The following SNX29 variants were observed in gnomAD, a reference collection of about 807,000 sequenced individuals.
The protein encoded by SNX29 is sorting nexin 29, also known as sorting nexin-29.
Under a neutral mutation model 102.1 loss-of-function variants are expected in SNX29, and 78 were observed. The ratio of observed to expected loss-of-function variants is 0.76; its 90% CI spans 0.64 to 0.92. The LOEUF is 0.92. Ranked by LOEUF, SNX29 falls within the 40% of genes least tolerant of loss-of-function variation. The probability of loss-of-function intolerance (pLI) is 0.00; values close to 1 mark genes in which losing one functional copy is unlikely to be tolerated. For missense variants in SNX29, 1,280 were observed against 1,061.7 expected (o/e 1.21, Z -2.86); for synonymous variants, 580 against 414.5 (o/e 1.40, Z -4.85).
intron 20 of SNX29, among the ~76,000 whole-genome samples, chr16:12,551,758 G>A (rs1001221216): frequency 9.2e-5 from 14 of 152,198 alleles, no homozygotes; most frequent in Non-Finnish European, 5.9e-5. Flanking sequence ...TGGCTGCCTT[G>A]TACACATACC....
chr16:12,169,521 C>A (rs1023029193), intron 13 of SNX29, among the ~76,000 whole-genome samples: 6 of 152,072 alleles, frequency 3.9e-5, no homozygotes, highest in African/African-American at 9.7e-5. Flanking sequence ...TCGGGCAAGG[C>A]AACATGGACG....
chr16:12,500,483 G>A (rs781295734), intron 19 of SNX29, among the ~76,000 whole-genome samples: 4 of 152,226 alleles, frequency 2.6e-5, no homozygotes, highest in Non-Finnish European at 5.9e-5. Flanking sequence ...GGCTCCTTTT[G>A]CTGTCAACCC....
intron 19 of SNX29, among the ~76,000 whole-genome samples, chr16:12,505,386 T>G (rs2089325897): frequency 6.6e-6 from 1 of 152,222 alleles, no homozygotes; most frequent in African/African-American, 2.4e-5. Context: ...TGTTTCCACA[T>G]TGAATTTTCT....
intron 14 of SNX29, among the ~76,000 whole-genome samples, chr16:12,232,524 C>T (rs2077800347): frequency 6.8e-6 from 1 of 147,094 alleles, no homozygotes; most frequent in Non-Finnish European, 1.5e-5. Context: ...CGGCCAGAAA[C>T]AAACAAATAA....
intron 14 of SNX29, among the ~76,000 whole-genome samples, chr16:12,201,624 A>G (rs1278334042): frequency 6.6e-6 from 1 of 152,222 alleles, no homozygotes; most frequent in Admixed American, 6.5e-5. Flanking sequence ...CCCATTAAAT[A>G]TACCTCTTTC....
intron 15 of SNX29, among the ~76,000 whole-genome samples, chr16:12,348,954 A>G (rs2081911691): frequency 6.6e-6 from 1 of 152,082 alleles, no homozygotes; most frequent in African/African-American, 2.4e-5. Flanking sequence ...CACTGTCACC[A>G]TCGCCCCTCT....
At chr16:12,403,779 G>A (rs1188466462) in intron 18 of SNX29, among the ~76,000 whole-genome samples, 2 of 152,212 alleles carry the variant, frequency 1.3e-5, no homozygotes, top group African/African-American at 4.8e-5. Flanking sequence ...TCTCAGCTCA[G>A]ACTGCATGAG....
chr16:12,395,107 TTCTG>T (rs1425414298), intron 16 of SNX29, among the ~76,000 whole-genome samples: 1 of 152,250 alleles, frequency 6.6e-6, no homozygotes, highest in Non-Finnish European at 1.5e-5. Flanking sequence ...TCTCTCCCTC[TTCTG>T]TCTTTCCTTT....
At chr16:12,109,771 C>T (rs760132643) in intron 11 of SNX29, among the ~76,000 whole-genome samples, 12 of 152,102 alleles carry the variant, frequency 7.9e-5, no homozygotes, top group Admixed American at 2.0e-4. Flanking sequence ...CGCTCTGTCA[C>T]CCAGGCTGGA....
intron 13 of SNX29, among the ~76,000 whole-genome samples, chr16:12,179,312 C>T (rs2076330667): frequency 6.6e-6 from 1 of 152,304 alleles, no homozygotes; most frequent in African/African-American, 2.4e-5. Flanking sequence ...GGCGAAGCCC[C>T]ATCTCTATAC....
At chr16:12,059,967 C>T (rs367573252) in intron 8 of SNX29, among the ~76,000 whole-genome samples, 98 of 152,240 alleles carry the variant, frequency 6.4e-4, no homozygotes, top group African/African-American at 2.1e-3. Context: ...CCTTTGTCTG[C>T]CCCCGCACTT....
chr16:12,412,299 C>T (rs1262743608), intron 18 of SNX29, among the ~76,000 whole-genome samples: 1 of 152,222 alleles, frequency 6.6e-6, no homozygotes, highest in Non-Finnish European at 1.5e-5. Flanking sequence ...GGGTCATGCA[C>T]AAGATCTGCC....
At chr16:12,436,114 C>G (rs191300667) in intron 18 of SNX29, among the ~76,000 whole-genome samples, 1 of 152,146 alleles carries the variant, frequency 6.6e-6, no homozygotes, top group African/African-American at 2.4e-5. Flanking sequence ...GTGATGCAGA[C>G]GTAGCTGAAG....
At chr16:11,988,960 C>G (rs2055738825) in intron 1 of SNX29, among the ~76,000 whole-genome samples, 4 of 151,978 alleles carry the variant, frequency 2.6e-5, no homozygotes, top group Admixed American at 2.0e-4. Context: ...AAATACTTGC[C>G]AATCCCTGCT....
intron 13 of SNX29, among the ~76,000 whole-genome samples, chr16:12,194,286 G>A (rs560687547): frequency 6.6e-6 from 1 of 152,280 alleles, no homozygotes; most frequent in South Asian, 2.1e-4. Flanking sequence ...CCTTCTCATT[G>A]TTCATTGTTA....
chr16:12,257,805 G>C (rs567843881), intron 14 of SNX29, among the ~76,000 whole-genome samples: 1 of 151,628 alleles, frequency 6.6e-6, no homozygotes, highest in African/African-American at 2.4e-5. Flanking sequence ...TAGGATTACA[G>C]ATGTGAGCCA....
intron 11 of SNX29, among the ~76,000 whole-genome samples, chr16:12,110,454 T>C (rs935300295): frequency 2.0e-5 from 3 of 152,068 alleles, no homozygotes; most frequent in South Asian, 2.1e-4. Flanking sequence ...CCATAGACTG[T>C]GATGAACACA....
At chr16:12,513,305 C>T (rs1735808343) in intron 19 of SNX29, among the ~76,000 whole-genome samples, 1 of 147,178 alleles carries the variant, frequency 6.8e-6, no homozygotes, top group Non-Finnish European at 1.5e-5. Context: ...CCTTGCCCTC[C>T]TCTCCCCTTC....
At chr16:12,202,522 G>A (rs2076937949) in intron 14 of SNX29, among the ~76,000 whole-genome samples, 1 of 152,134 alleles carries the variant, frequency 6.6e-6, no homozygotes, top group Admixed American at 6.5e-5. Flanking sequence ...TTGGTGCAAG[G>A]GCTGCCATAT....
Sources: allele counts gnomAD v4.1 joint callset (sites outside exome capture counted in the v4.1 genomes callset), GRCh38; gene constraint gnomAD v4.1.1; transcripts MANE v1.5; gene names NCBI Gene and HGNC (gene_info 2026-07-23, HGNC 2026-07-21).